PDHX: variants seen among roughly 807,000 people sequenced by gnomAD.
PDHX encodes pyruvate dehydrogenase protein X component, mitochondrial.
PDHX carries 33 observed loss-of-function variants against 55.3 expected under a neutral mutation model. That is an observed-to-expected ratio of 0.60 (90% CI 0.45 to 0.80). The LOEUF is 0.80. PDHX is among the 30% of genes least tolerant of loss of function. The pLI is 0.00. For missense variants in PDHX, 622 were observed against 619.9 expected (o/e 1.00, Z -0.04); for synonymous variants, 226 against 219.4 (o/e 1.03, Z -0.27).
Position 34,929,375 on chromosome 11 carries a change from C to T in PDHX, c.161-2029C>T, listed in dbSNP as rs59377105. On this transcript the variant is annotated intron_variant, in intron 1 of 10. Transcript: ENST00000227868. ...CCCCCCAAATAGCTGGGATTACAGG[C>T]GTGTGCCATCACGCCTGGCTAATTT... is the stretch of plus-strand genomic sequence containing the variant. Among the ~76,000 whole-genome samples the T allele has an allele frequency of 3.0e-3, 450 of 152,236 alleles. 2 individuals are homozygous for T. Among genetic ancestry groups the T allele is most frequent in the African/African-American group, 0.01 (431 of 41,544 alleles).
At position 34,957,335 on chromosome 11, in the gene PDHX, G is replaced by A. The variant is rs200728017; in HGVS notation, c.343-49G>A. 4.7e-4 allele frequency: 565 copies of A among 1,198,060 alleles called. No individual in the cohort carries two copies. In the African/African-American group the frequency reaches 7.1e-3, roughly 15 times the overall value. 74.2% of individuals were successfully genotyped at this position (1,198,060 alleles called of 1,614,324 possible). On this transcript the variant is annotated intron_variant, in intron 3 of 10. Transcript: ENST00000227868. ...CCAACAAAAGAACAAACTACTTAAT[G>A]CAGTCATGGGGTTTTACTTCTCTAC...
At chr11:34,984,131 G>A (rs931544076) in intron 8 of PDHX, among the ~76,000 whole-genome samples, 2 of 152,124 alleles carry the variant, frequency 1.3e-5, no homozygotes, top group South Asian at 2.1e-4. Flanking sequence ...TGTATTGAGG[G>A]CCTGCTGATA....
chr11:34,985,286 C>T (rs551484709), intron 9 of PDHX, among the ~76,000 whole-genome samples: 62 of 152,104 alleles, frequency 4.1e-4, no homozygotes, highest in African/African-American at 1.4e-3. Context: ...ACTAAAAATA[C>T]GAAAATTAGC....
At chr11:34,987,193 A>T (rs1855664237) in intron 9 of PDHX, among the ~76,000 whole-genome samples, 1 of 151,176 alleles carries the variant, frequency 6.6e-6, no homozygotes, top group Non-Finnish European at 1.5e-5. Flanking sequence ...TCACTTCTTT[A>T]CCTCCCCTTT....
chr11:34,947,559 G>C lies in PDHX; in HGVS notation c.295G>C (p.Val99Leu), dbSNP rs373211545. 28 of 1,613,686 alleles carry C rather than the reference G, an allele frequency of 1.7e-5. No homozygotes were observed. The African/African-American group carries it at 3.2e-4, about 18-fold the overall frequency. ...ATGTGAAATTGAGACTGACAAAGCT[G>C]TGGTTACCTTAGATGCAAGTGATGA... ...ALCEIETDKA[V>L]VTLDASDDGI... is the part of the protein sequence containing the mutation. The change falls in exon 3 of 11, where the codon GTG becomes CTG. Residue 99 changes from valine (V) to leucine (L), a missense_variant. Transcript: ENST00000227868.
intron 8 of PDHX, 98 bp from the exon 9 acceptor site, chr11:34,984,472 T>A: frequency 1.0e-6 from 1 of 967,088 alleles, no homozygotes; most frequent in Middle Eastern, 2.3e-4. Flanking sequence ...CTTATCTAGC[T>A]ATGTTCACTT....
intron 2 of PDHX, among the ~76,000 whole-genome samples, chr11:34,946,642 T>C (rs1243108887): frequency 6.6e-6 from 1 of 152,186 alleles, no homozygotes; most frequent in African/African-American, 2.4e-5. Context: ...TTGTTCCTGG[T>C]ACTGAGGCAG....
At chr11:34,992,212 G>A in intron 9 of PDHX, 103 bp from the exon 10 acceptor site, 1 of 686,300 alleles carries the variant, frequency 1.5e-6, no homozygotes, top group Non-Finnish European at 2.7e-6. Flanking sequence ...ATCAAATCAA[G>A]GCATATCAGA....
chr11:34,931,898 A>G (rs1854184677), intron 2 of PDHX, among the ~76,000 whole-genome samples: 2 of 151,882 alleles, frequency 1.3e-5, no homozygotes, highest in Non-Finnish European at 2.9e-5. Context: ...AAAAGAACAA[A>G]TAAGTAGAAT....
At chr11:34,973,119 T>C (rs1014984380) in intron 7 of PDHX, among the ~76,000 whole-genome samples, 2 of 152,172 alleles carry the variant, frequency 1.3e-5, no homozygotes, top group Non-Finnish European at 2.9e-5. Flanking sequence ...TGAAGATCTA[T>C]TATTGGCCAC....
Position 34,982,621 on chromosome 11 carries a change from A to G in PDHX, c.1024-1949A>G, listed in dbSNP as rs148156531. 4.1e-4 allele frequency among the ~76,000 whole-genome samples: 63 copies of G among 152,004 alleles called. 1 individual carries two copies. The highest frequency in any genetic ancestry group is 1.5e-3 in the African/African-American group (60 of 41,358). ...CACCGATCCCACAGAAATGCAAACT[A>G]CCGTCAGAGAATACTATAAACACCT... On this transcript the variant is annotated intron_variant, in intron 8 of 10. Coordinates refer to ENST00000227868, the MANE Select transcript of PDHX (RefSeq NM_003477.3).
At position 34,991,980 on chromosome 11, in the gene PDHX, A is replaced by C. The variant is rs1855767656; in HGVS notation, c.1183-335A>C. 2.6e-5 allele frequency among the ~76,000 whole-genome samples: 4 copies of C among 151,370 alleles called. No individual in the cohort carries two copies. In the South Asian group the frequency reaches 8.3e-4, roughly 31 times the overall value. ...GGATTCTTGTATTTTTTTTCTTACC[A>C]TAAAGTTTTATAGGCAAAATAGAAA... On this transcript the variant is annotated intron_variant, in intron 9 of 10. Coordinates refer to ENST00000227868, the MANE Select transcript of PDHX (RefSeq NM_003477.3).
At chr11:34,966,098 A>G (rs974692222) in intron 5 of PDHX, among the ~76,000 whole-genome samples, 2 of 152,168 alleles carry the variant, frequency 1.3e-5, no homozygotes, top group East Asian at 3.8e-4. Flanking sequence ...GATTTGTTAT[A>G]TTAGATTGTA....
At position 34,960,489 on chromosome 11, in the gene PDHX, C is replaced by A; in HGVS notation, c.612C>A (p.Ala204=). 6.2e-7 allele frequency: 1 copy of A among 1,611,396 alleles called. No homozygotes were observed. The highest frequency in any genetic ancestry group is 2.2e-5 in the East Asian group (1 of 44,772). ...KHSLDASQGT[A]TGPRGIFTKE... ...CACTGGATGCTAGCCAGGGCACAGC[C>A]ACTGGCCCTCGGGGGATATTCACTA... Residue 204 remains alanine, a synonymous_variant, in exon 5 of 11, where the codon GCC becomes GCA. Transcript: ENST00000227868.
intron 5 of PDHX, among the ~76,000 whole-genome samples, chr11:34,964,614 A>T (rs1176764478): frequency 2.6e-5 from 4 of 152,266 alleles, no homozygotes; most frequent in South Asian, 4.1e-4. Context: ...AAATAAAAAA[A>T]AAATAAAATC....
intron 7 of PDHX, among the ~76,000 whole-genome samples, chr11:34,975,235 A>G (rs1253865568): frequency 6.6e-6 from 1 of 150,536 alleles, no homozygotes; most frequent in Non-Finnish European, 1.5e-5. Flanking sequence ...TTTTTTTTCT[A>G]TTGTATTTAC....
chr11:34,923,752 C>T (rs966026609), intron 1 of PDHX, among the ~76,000 whole-genome samples: 1 of 152,060 alleles, frequency 6.6e-6, no homozygotes, highest in Non-Finnish European at 1.5e-5. Context: ...CTTTTGAGGT[C>T]GAGAATCTGG....
At position 34,970,209 on chromosome 11, in the gene PDHX, G is replaced by C; in HGVS notation, c.887G>C (p.Ser296Thr). The change falls in exon 7 of 11, where the codon AGT (serine) becomes ACT (threonine). Residue 296 changes from serine to threonine, a missense_variant. Ser to Thr is a moderately conservative substitution (Grantham distance 58). Coordinates refer to ENST00000227868, the MANE Select transcript of PDHX (RefSeq NM_003477.3). ...VIAKRLTESK[S>T]TVPHAYATAD... The stretch of plus-strand genomic sequence containing the variant: ...GCCAAGAGATTAACTGAATCTAAAA[G>C]TACTGTACCTCATGCATATGCTACT... 1 of 1,612,744 alleles carries C rather than the reference G, an allele frequency of 6.2e-7. No individual in the cohort carries two copies.
intron 2 of PDHX, among the ~76,000 whole-genome samples, chr11:34,940,430 T>C (rs1854446651): frequency 6.6e-6 from 1 of 152,228 alleles, no homozygotes. Flanking sequence ...GATTCTACTA[T>C]AGAAGACACT....
Sources: gnomAD v4.1 joint callset for allele counts (sites outside exome capture counted in the v4.1 genomes callset) on GRCh38, gnomAD v4.1.1 for gene constraint, MANE v1.5 for transcripts, NCBI Gene and HGNC (gene_info 2026-07-23, HGNC 2026-07-21) for gene names.